DPP6: variants seen among roughly 807,000 people sequenced by gnomAD.
The protein encoded by DPP6 is A-type potassium channel modulatory protein DPP6.
Under a neutral mutation model 122.6 loss-of-function variants are expected in DPP6, and 69 were observed. The observed-to-expected ratio is 0.56, with a 90% CI of 0.46 to 0.69. The LOEUF (loss-of-function observed/expected upper bound fraction) is 0.69. DPP6 is among the 30% of genes least tolerant of loss of function. DPP6 has a pLI of 0.00. For missense variants in DPP6, 928 were observed against 1,116.9 expected (o/e 0.83, Z 2.41); for synonymous variants, 418 against 433.1 (o/e 0.97, Z 0.43).
At chr7:154,453,613 A>G (rs1334086125) in intron 2 of DPP6, among the ~76,000 whole-genome samples, 1 of 151,734 alleles carries the variant, frequency 6.6e-6, no homozygotes, top group Admixed American at 6.6e-5. Context: ...GATGAATTTT[A>G]AAACCAAACT....
chr7:154,345,183 T>C (rs1810289821), intron 1 of DPP6, among the ~76,000 whole-genome samples: 1 of 152,066 alleles, frequency 6.6e-6, no homozygotes, highest in Admixed American at 6.5e-5. Flanking sequence ...GCTCTCTTCT[T>C]GGTCTCCACA....
At chr7:154,891,127 A>T (rs949206975) in intron 25 of DPP6, 1 of 152,254 alleles carries the variant, frequency 6.6e-6, no homozygotes, top group African/African-American at 2.4e-5. Flanking sequence ...GCTACACAGG[A>T]GGCTGAAGTG....
At chr7:154,398,525 G>A (rs796470219) in intron 1 of DPP6, among the ~76,000 whole-genome samples, 5 of 152,128 alleles carry the variant, frequency 3.3e-5, no homozygotes, top group Non-Finnish European at 4.4e-5. Context: ...AGAAGAAAAC[G>A]TTATCTGCCA....
chr7:153,966,731 A>C (rs1795759407), intron 1 of DPP6, among the ~76,000 whole-genome samples: 1 of 152,036 alleles, frequency 6.6e-6, no homozygotes, highest in African/African-American at 2.4e-5. Context: ...TATGAGTAGA[A>C]GTATGGAACA....
chr7:154,070,940 A>C (rs751757914), intron 1 of DPP6, among the ~76,000 whole-genome samples: 44 of 152,190 alleles, frequency 2.9e-4, no homozygotes, highest in Non-Finnish European at 2.2e-4. Flanking sequence ...CCTGAGATAC[A>C]TCAGTGTTAT....
intron 1 of DPP6, among the ~76,000 whole-genome samples, chr7:153,967,372 C>T (rs1434403752): frequency 1.3e-5 from 2 of 152,072 alleles, no homozygotes; most frequent in African/African-American, 4.8e-5. Context: ...TCCAGGAGCT[C>T]CTAGGAGCCA....
intron 1 of DPP6, among the ~76,000 whole-genome samples, chr7:154,400,000 G>A (rs1006657507): frequency 5.3e-5 from 8 of 152,208 alleles, no homozygotes; most frequent in Admixed American, 5.2e-4. Context: ...AGGCTGAGAG[G>A]TGCACCTTGG....
intron 3 of DPP6, among the ~76,000 whole-genome samples, chr7:154,539,321 C>T (rs1828519212): frequency 6.6e-6 from 1 of 152,174 alleles, no homozygotes. Context: ...TAATTTGCAT[C>T]ATCAGAGTGT....
intron 1 of DPP6, among the ~76,000 whole-genome samples, chr7:154,145,608 G>A (rs10237938): frequency 0.052 from 6,845 of 131,564 alleles, 2 homozygotes; most frequent in African/African-American, 0.19. Flanking sequence ...ACATCCCTGC[G>A]GAGCAAGGAG....
intron 16 of DPP6, among the ~76,000 whole-genome samples, chr7:154,843,342 A>G (rs1381468445): frequency 2.0e-5 from 3 of 152,210 alleles, no homozygotes; most frequent in Non-Finnish European, 4.4e-5. Flanking sequence ...CCTATGTTCC[A>G]AGACTAGACC....
intron 1 of DPP6, among the ~76,000 whole-genome samples, chr7:154,186,954 G>A (rs1019423877): frequency 6.6e-6 from 1 of 152,254 alleles, no homozygotes; most frequent in East Asian, 1.9e-4. Flanking sequence ...GCTGAAGGCT[G>A]ACTGGGCTTC....
chr7:153,857,639 T>C, the DPP6 span, among the ~76,000 whole-genome samples: 3 of 152,210 alleles, frequency 2.0e-5, no homozygotes, highest in Non-Finnish European at 4.4e-5. Context: ...TCATGCAGAA[T>C]TGAGATATCA....
intron 1 of DPP6, among the ~76,000 whole-genome samples, chr7:153,892,689 C>T (rs931757600): frequency 6.6e-6 from 1 of 152,128 alleles, no homozygotes; most frequent in Non-Finnish European, 1.5e-5. Context: ...TCTGAGGGTA[C>T]TTGGTATCAG....
the DPP6 span, among the ~76,000 whole-genome samples, chr7:153,864,722 C>T: frequency 5.0e-5 from 7 of 140,060 alleles, no homozygotes; most frequent in African/African-American, 1.1e-4. Flanking sequence ...CACACACACA[C>T]GTGCTTGGGG....
chr7:154,872,576 GT>G, intron 18 of DPP6, 47 bp from the exon 19 acceptor site: 1 of 1,560,108 alleles, frequency 6.4e-7, no homozygotes, highest in South Asian at 1.2e-5. Flanking sequence ...CCGATACCCC[GT>G]GGCCAGCATT....
chr7:154,598,099 G>T (rs186197485), intron 5 of DPP6, among the ~76,000 whole-genome samples: 1 of 151,704 alleles, frequency 6.6e-6, no homozygotes, highest in East Asian at 1.9e-4. Flanking sequence ...AAACAGTTAA[G>T]AAAAAAAAGA....
intron 1 of DPP6, among the ~76,000 whole-genome samples, chr7:154,413,657 T>C (rs1256352458): frequency 6.6e-6 from 1 of 152,204 alleles, no homozygotes; most frequent in Non-Finnish European, 1.5e-5. Flanking sequence ...GTTTGGTATT[T>C]TTTCATTGTT....
chr7:154,641,117 G>C (rs77229250), intron 6 of DPP6, among the ~76,000 whole-genome samples: 3 of 152,062 alleles, frequency 2.0e-5, no homozygotes, highest in Admixed American at 6.6e-5. Flanking sequence ...CCCAGTCCCC[G>C]CTGTTAGCTT....
the DPP6 span, among the ~76,000 whole-genome samples, chr7:153,843,145 CG>C: frequency 7.9e-5 from 12 of 151,986 alleles, no homozygotes; most frequent in Non-Finnish European, 1.3e-4. Context: ...CATACAGACA[CG>C]TGCATGCACA....
Sources: gnomAD v4.1 joint callset for allele counts (sites outside exome capture counted in the v4.1 genomes callset) on GRCh38, gnomAD v4.1.1 for gene constraint, MANE v1.5 for transcripts, NCBI Gene and HGNC (gene_info 2026-07-23, HGNC 2026-07-21) for gene names.